RPS14: variants seen among roughly 807,000 people sequenced by gnomAD.
RPS14 encodes small ribosomal subunit protein uS11.
Under a neutral mutation model 15.4 loss-of-function variants are expected in RPS14, and 1 was observed. The ratio of observed to expected loss-of-function variants is 0.07; its 90% CI spans 0.02 to 0.31. RPS14 has a LOEUF of 0.31. RPS14 is among the 10% of genes least tolerant of loss of function. The pLI, the probability that RPS14 is intolerant of heterozygous loss-of-function variation, is 1.00. For missense variants in RPS14, 69 were observed against 205.5 expected, an observed-to-expected ratio of 0.34 and a Z score of 4.06; for synonymous variants, 68 against 74.4, an observed-to-expected ratio of 0.91 and a Z score of 0.44.
At position 150,444,173 on chromosome 5, in the gene RPS14, TAGG is replaced by T; in HGVS notation, c.*110_*112del. 1 of 1,457,732 alleles carries T rather than the reference TAGG, an allele frequency of 6.9e-7. No homozygotes were observed. The highest frequency in any genetic ancestry group is 9.1e-7 in the Non-Finnish European group (1 of 1,098,748). 90.3% of individuals were successfully genotyped at this position (1,457,732 alleles called of 1,614,324 possible). On this transcript the variant is annotated 3_prime_UTR_variant, in exon 5 of 5. Coordinates refer to ENST00000407193, the MANE Select transcript of RPS14 (RefSeq NM_005617.4). ...GGCTCCTTTCTCCCAAGAAGCCAAA[TAGG>T]AGGAAGAAATCAAATGCCTGAGTAG...
rs535798448 is a variant in RPS14, at chr5:150,447,911, G to C, written c.-2-176C>G. 5 of 680,192 alleles carry C rather than the reference G, an allele frequency of 7.4e-6. No homozygotes were observed. In the East Asian group the frequency reaches 8.2e-5, roughly 11 times the overall value. The allele number at this position is 680,192 out of a possible 1,614,324, so 42.1% of individuals were successfully genotyped here. On this transcript the variant is annotated intron_variant, in intron 1 of 4. Transcript: ENST00000407193. ...AAAACTTCTTTCTCCTTGCACTTGG[G>C]GGGGTATCAACTGTGGCCACATGGC...
At chr5:150,448,619 G>A (rs1283251930) in intron 1 of RPS14, 1 of 152,206 alleles carries the variant, frequency 6.6e-6, no homozygotes, top group African/African-American at 2.4e-5. Flanking sequence ...AGATGGTGAA[G>A]ATAGAGAGTG....
chr5:150,447,661 C>G lies in RPS14; in HGVS notation c.73G>C (p.Glu25Gln). The change falls in exon 2 of 5, where the codon GAG (glutamate) becomes CAG (glutamine). Residue 25 changes from glutamate (E) to glutamine (Q), a missense_variant. Glu to Gln is a conservative substitution (Grantham distance 29). Coordinates refer to ENST00000407193, the MANE Select transcript of RPS14 (RefSeq NM_005617.4). ...ATATGGCAGACACCAAATACATTCT[C>G]TCCTTCAGCCACCTGAGGTCCGAGG... ...ISLGPQVAEG[E>Q]NVFGVCHIFA... is the part of the protein sequence containing the mutation. 1 of 1,614,098 alleles carries G rather than the reference C, an allele frequency of 6.2e-7. No individual in the cohort carries two copies. Among genetic ancestry groups the G allele is most frequent in the Non-Finnish European group, 8.5e-7 (1 of 1,179,930 alleles).
chr5:150,447,520 C>A (rs1771136029), intron 2 of RPS14, 65 bp downstream of exon 2: 4 of 1,518,986 alleles, frequency 2.6e-6, no homozygotes, highest in African/African-American at 2.7e-5. Context: ...GAACTGCTAG[C>A]CCGTCCCAGC....
intron 4 of RPS14, chr5:150,445,406 G>GA: frequency 1.4e-6 from 1 of 703,168 alleles, no homozygotes; most frequent in Non-Finnish European, 2.6e-6. Flanking sequence ...ATTCACAAAT[G>GA]AAACAGGACA....
In RPS14 at chr5:150,443,323, ACT is replaced by A. The variant is rs1237897410; in HGVS notation, c.*961_*962del. ...CTATCCCTCCCGCCTCCCCAGGAGT[ACT>A]GTTATTTCATCAGGTTAAGATTCAA... is the stretch of plus-strand genomic sequence containing the variant. On this transcript the variant is annotated 3_prime_UTR_variant, in exon 5 of 5. Transcript: ENST00000407193. 1 of 152,130 alleles carries A rather than the reference ACT, an allele frequency of 6.6e-6. No homozygotes were observed. Among genetic ancestry groups the A allele is most frequent in the Admixed American group, 6.5e-5 (1 of 15,268 alleles). 9.4% of individuals were successfully genotyped at this position (152,130 alleles called of 1,614,324 possible).
At position 150,446,402 on chromosome 5, in the gene RPS14, C is replaced by T. The variant is rs1239336318; in HGVS notation, c.311+400G>A. On this transcript the variant is annotated intron_variant, in intron 3 of 4. Transcript: ENST00000407193. The surrounding 1 kb of genome is among the most constrained non-coding windows in gnomAD (Gnocchi z 4.2). ...TGTCCTTATTTCACTGGAAGGACTC[C>T]GGACTTATCATTTAGACCCTAGTTT... is the stretch of plus-strand genomic sequence containing the variant. Among the ~76,000 whole-genome samples, 1 of 152,190 alleles carries T rather than the reference C, an allele frequency of 6.6e-6. No individual in the cohort carries two copies. Among genetic ancestry groups the T allele is most frequent in the African/African-American group, 2.4e-5 (1 of 41,434 alleles).
At chr5:150,448,552 T>A (rs964365290) in intron 1 of RPS14, 3 of 152,232 alleles carry the variant, frequency 2.0e-5, no homozygotes, top group Non-Finnish European at 4.4e-5. Flanking sequence ...CTGAACCTCC[T>A]GGTGTTCAGA....
At chr5:150,447,119 A>G (rs936998676) in intron 2 of RPS14, 156 bp from the exon 3 acceptor site, 9 of 725,692 alleles carry the variant, frequency 1.2e-5, no homozygotes, top group Non-Finnish European at 1.8e-5. Flanking sequence ...TGAATGGCCC[A>G]ATATAGCTAT....
chr5:150,443,196 A>G lies in RPS14; in HGVS notation c.*1090T>C, dbSNP rs1476885826. On this transcript the variant is annotated 3_prime_UTR_variant, in exon 5 of 5. Coordinates refer to ENST00000407193, the MANE Select transcript of RPS14 (RefSeq NM_005617.4). ...TTTATTATACTTTAAGTTTTAGGGTACATGTGCACAACGTGCAGGTTTGTT... is the reference window on the plus strand; with the variant it reads ...TTTATTATACTTTAAGTTTTAGGGTGCATGTGCACAACGTGCAGGTTTGTT... The G allele has an allele frequency of 6.8e-6, 1 of 147,316 alleles. No homozygotes were observed. Among genetic ancestry groups the G allele is most frequent in the African/African-American group, 2.4e-5 (1 of 40,944 alleles). 9.1% of individuals were successfully genotyped at this position (147,316 alleles called of 1,614,324 possible).
chr5:150,444,366 A>G lies in RPS14; in HGVS notation c.389-13T>C. ...GGGGTGACATCCTCTGTGGGGAGGA[A>G]GAGAAAGCGTCATTGCCTGGAGCTG... On this transcript the variant is annotated splice_polypyrimidine_tract_variant and intron_variant, in intron 4 of 4. Coordinates refer to ENST00000407193, the MANE Select transcript of RPS14 (RefSeq NM_005617.4). 1 of 1,604,308 alleles carries G rather than the reference A, an allele frequency of 6.2e-7. No individual in the cohort carries two copies. The highest frequency in any genetic ancestry group is 8.5e-7 in the Non-Finnish European group (1 of 1,173,190).
intron 2 of RPS14, chr5:150,447,258 A>G (rs890230701): frequency 5.6e-6 from 3 of 535,950 alleles, no homozygotes; most frequent in Non-Finnish European, 9.9e-6. Context: ...ATTTCACACA[A>G]GTCACAACTT....
rs375321167 is a variant in RPS14, at chr5:150,446,792, C to T, written c.311+10G>A. The T allele has an allele frequency of 9.3e-6, 15 of 1,611,804 alleles. No homozygotes were observed. The highest frequency in any genetic ancestry group is 8.4e-5 in the Admixed American group (5 of 59,758). On this transcript the variant is annotated intron_variant, in intron 3 of 4. Transcript: ENST00000407193. The surrounding 1 kb of genome is among the most constrained non-coding windows in gnomAD (Gnocchi z 4.2). ...TTCTACCACCCAGCCATCCCCTCTG[C>T]GACTCGTACCTATTTCCTCCTGTGG...
intron 1 of RPS14, chr5:150,449,298 T>C (rs1439550140): frequency 6.6e-6 from 1 of 152,184 alleles, no homozygotes. Context: ...GTTATTCCTA[T>C]TTTGCAAACG....
chr5:150,444,261 C>T lies in RPS14; in HGVS notation c.*25G>A. 1.2e-6 allele frequency: 2 copies of T among 1,600,454 alleles called. No individual in the cohort carries two copies. Among genetic ancestry groups the T allele is most frequent in the East Asian group, 2.3e-5 (1 of 44,428 alleles). ...AGTTTACATGAAGGCAATTTATTAA[C>T]AGAAAATATTTTGAGGAATCTTGTT... On this transcript the variant is annotated 3_prime_UTR_variant, in exon 5 of 5. Transcript: ENST00000407193.
Position 150,449,701 on chromosome 5 carries a change from A to G in RPS14, c.-3+2T>C, listed in dbSNP as rs934985653. 1 of 152,226 alleles carries G rather than the reference A, an allele frequency of 6.6e-6. No homozygotes were observed. Among genetic ancestry groups the G allele is most frequent in the African/African-American group, 2.4e-5 (1 of 41,394 alleles). The allele number at this position is 152,226 out of a possible 1,614,324, so 9.4% of individuals were successfully genotyped here. A position where few individuals can be genotyped will look rare whatever the true frequency, so the allele number is the denominator to read the frequency against. On this transcript the variant is annotated splice_donor_variant, in intron 1 of 4. Coordinates refer to ENST00000407193, the MANE Select transcript of RPS14 (RefSeq NM_005617.4). LOFTEE classifies it low-confidence loss of function (5UTR_SPLICE). The stretch of plus-strand genomic sequence containing the variant: ...CCCGATTGTCGCGCCCGGGCCTCCT[A>G]CCTGCACGTCGTCTCCAGACTCCAC...
Position 150,443,938 on chromosome 5 carries a change from T to C in RPS14, c.*348A>G, listed in dbSNP as rs115007864. ...CACGTGTGTTTATATATGGCATGGG[T>C]CTGGAAGGCTCCTCTTTCGCTTCAG... On this transcript the variant is annotated 3_prime_UTR_variant, in exon 5 of 5. Coordinates refer to ENST00000407193, the MANE Select transcript of RPS14 (RefSeq NM_005617.4). 477 of 176,570 alleles carry C rather than the reference T, an allele frequency of 2.7e-3. 2 individuals carry two copies. Among genetic ancestry groups the C allele is most frequent in the African/African-American group, 0.011 (454 of 42,126 alleles). The allele number at this position is 176,570 out of a possible 1,614,324, so 10.9% of individuals were successfully genotyped here. A position where few individuals can be genotyped will look rare whatever the true frequency, so the allele number is the denominator to read the frequency against.
Position 150,443,069 on chromosome 5 carries a change from T to C in RPS14, c.*1217A>G, listed in dbSNP as rs566127446. The C allele has an allele frequency of 1.3e-5, 2 of 152,340 alleles. No homozygotes were observed. The highest frequency in any genetic ancestry group is 4.1e-4 in the South Asian group (2 of 4,828). 9.4% of individuals were successfully genotyped at this position (152,340 alleles called of 1,614,324 possible). A position where few individuals can be genotyped will look rare whatever the true frequency, so the allele number is the denominator to read the frequency against. Reference sequence around the variant, plus strand: ...CAGAATCCAATCCAGGATACCACAATGGGCATTTAGTTTTCACGCCTCCTT... The same window carrying C: ...CAGAATCCAATCCAGGATACCACAACGGGCATTTAGTTTTCACGCCTCCTT... On this transcript the variant is annotated 3_prime_UTR_variant, in exon 5 of 5. Transcript: ENST00000407193.
chr5:150,444,716 A>AGTCCAGCCTGGGCGAC, intron 4 of RPS14: 1 of 469,848 alleles, frequency 2.1e-6, no homozygotes. Context: ...CACTGAAAAA[A>AGTCCAGCCTGGGCGAC]AGTCTGAAAA....
Sources: allele counts gnomAD v4.1 joint callset (sites outside exome capture counted in the v4.1 genomes callset), GRCh38; gene constraint gnomAD v4.1.1; non-coding constraint Gnocchi (gnomAD v3.1); transcripts MANE v1.5; gene names NCBI Gene and HGNC (gene_info 2026-07-23, HGNC 2026-07-21).